Variants in TNFRSF19 observed in about 807,000 individuals in gnomAD.
TNFRSF19 encodes tumor necrosis factor receptor superfamily member 19.
A neutral mutation model predicts 46.4 loss-of-function variants in TNFRSF19; 27 were observed. The ratio of observed to expected loss-of-function variants is 0.58; its 90% CI spans 0.43 to 0.80. TNFRSF19 has a LOEUF of 0.80. TNFRSF19 is among the 30% of genes least tolerant of loss of function. TNFRSF19 has a pLI of 0.00. For synonymous variants in TNFRSF19, 204 were observed against 205.0 expected, an observed-to-expected ratio of 1.00 and a Z score of 0.04; for missense variants, 511 against 530.8, an observed-to-expected ratio of 0.96 and a Z score of 0.37.
At chr13:23,670,590 T>C (rs1038496384) in intron 9 of TNFRSF19, among the ~76,000 whole-genome samples, 13 of 152,152 alleles carry the variant, frequency 8.5e-5, no homozygotes, top group African/African-American at 2.9e-4. Context: ...GTTATGATAA[T>C]AAATAAGAAA....
intron 3 of TNFRSF19, among the ~76,000 whole-genome samples, chr13:23,597,384 A>G (rs1197518333): frequency 2.0e-5 from 3 of 152,172 alleles, no homozygotes; most frequent in Non-Finnish European, 2.9e-5. Context: ...AAAGAATCAA[A>G]TGGAAACAAT....
In TNFRSF19 at chr13:23,575,593, A is replaced by C. The variant is rs577265088; in HGVS notation, c.-35+4745A>C. Among the ~76,000 whole-genome samples, 4 of 152,224 alleles carry C rather than the reference A, an allele frequency of 2.6e-5. No individual in the cohort carries two copies. In the East Asian group the frequency reaches 7.7e-4, roughly 29 times the overall value. On this transcript the variant is annotated intron_variant, in intron 1 of 9. Transcript: ENST00000248484. The stretch of plus-strand genomic sequence containing the variant: ...GGTTCCTCCTCCACTTATTTTCTTA[A>C]CTGTATTTGGAAAACTTTATTACTC...
chr13:23,613,873 C>G (rs746324905), intron 3 of TNFRSF19, among the ~76,000 whole-genome samples: 1 of 152,208 alleles, frequency 6.6e-6, no homozygotes, highest in Non-Finnish European at 1.5e-5. Context: ...CCGCAAAGAC[C>G]CAGCACATGT....
chr13:23,652,439 A>G (rs1883706770), intron 5 of TNFRSF19, among the ~76,000 whole-genome samples: 1 of 152,208 alleles, frequency 6.6e-6, no homozygotes, highest in South Asian at 2.1e-4. Flanking sequence ...TTGTTAACTA[A>G]GATTACATTT....
intron 7 of TNFRSF19, among the ~76,000 whole-genome samples, chr13:23,666,126 T>C (rs201062736): frequency 2.0e-5 from 3 of 152,360 alleles, no homozygotes; most frequent in East Asian, 3.9e-4. Context: ...GGCCTATGCC[T>C]GGTCAGGGTA....
At chr13:23,647,569 AT>A (rs112700730) in intron 5 of TNFRSF19, among the ~76,000 whole-genome samples, 2,487 of 151,052 alleles carry the variant, frequency 0.016, 57 homozygotes, top group African/African-American at 0.057. Context: ...GCCCAGCTAC[AT>A]TTTTTTTTAA....
chr13:23,599,303 G>A (rs1420709025), intron 3 of TNFRSF19, among the ~76,000 whole-genome samples: 1 of 152,164 alleles, frequency 6.6e-6, no homozygotes, highest in African/African-American at 2.4e-5. Flanking sequence ...TGCCCAAGAG[G>A]AAAATAGACT....
intron 3 of TNFRSF19, among the ~76,000 whole-genome samples, chr13:23,610,894 C>A (rs986788055): frequency 3.3e-5 from 5 of 152,022 alleles, no homozygotes; most frequent in African/African-American, 9.7e-5. Context: ...CTCAAGGATT[C>A]GGGGAAGTAC....
chr13:23,587,527 G>GAATA (rs1878930441), intron 1 of TNFRSF19, among the ~76,000 whole-genome samples: 1 of 151,996 alleles, frequency 6.6e-6, no homozygotes. Context: ...AATGTTTGTT[G>GAATA]AATAAATAAA....
intron 3 of TNFRSF19, among the ~76,000 whole-genome samples, chr13:23,608,877 A>G (rs1880696540): frequency 6.6e-6 from 1 of 152,194 alleles, no homozygotes. Flanking sequence ...CTTGCTGGTC[A>G]GCCTTCTTCC....
At chr13:23,665,041 C>T (rs1384225173) in intron 7 of TNFRSF19, among the ~76,000 whole-genome samples, 1 of 152,124 alleles carries the variant, frequency 6.6e-6, no homozygotes, top group African/African-American at 2.4e-5. Context: ...TTATTACTAT[C>T]TCCTATTTTG....
intron 1 of TNFRSF19, among the ~76,000 whole-genome samples, chr13:23,584,234 T>C (rs990482861): frequency 1.4e-4 from 21 of 152,150 alleles, no homozygotes; most frequent in Non-Finnish European, 3.1e-4. Flanking sequence ...CCTTCCACCC[T>C]TTTCCCCCAA....
rs182881945 is a variant in TNFRSF19, at chr13:23,662,057, A to G, written c.736+1567A>G. 6.8e-3 allele frequency among the ~76,000 whole-genome samples: 1,038 copies of G among 152,134 alleles called. 12 individuals are homozygous for G. Among genetic ancestry groups the G allele is most frequent in the African/African-American group, 0.024 (985 of 41,496 alleles). ...AAGTTTAATTAGATCTCATTTGTCA[A>G]TTTTTGCTTTTGTTGTGATTGCTTT... is the stretch of plus-strand genomic sequence containing the variant. On this transcript the variant is annotated intron_variant, in intron 7 of 9. Transcript: ENST00000248484.
At chr13:23,614,769 A>ATATATATATATATATATATATAT (rs59907466) in intron 3 of TNFRSF19, among the ~76,000 whole-genome samples, 28 of 147,166 alleles carry the variant, frequency 1.9e-4, no homozygotes, top group African/African-American at 5.3e-4. Flanking sequence ...ATATATATAT[A>ATATATATATATATATATATATAT]GTACCTGGCA....
At chr13:23,658,052 T>C (rs1487847865) in intron 5 of TNFRSF19, among the ~76,000 whole-genome samples, 1 of 152,152 alleles carries the variant, frequency 6.6e-6, no homozygotes, top group Non-Finnish European at 1.5e-5. Flanking sequence ...CCCCTCTGTG[T>C]AGATTCATGC....
rs9805166 is a variant in TNFRSF19, at chr13:23,588,954, G to A, written c.-34-1196G>A. 5.8e-3 allele frequency among the ~76,000 whole-genome samples: 882 copies of A among 152,282 alleles called. 12 individuals carry two copies. The highest frequency in any genetic ancestry group is 0.02 in the African/African-American group (812 of 41,570). On this transcript the variant is annotated intron_variant, in intron 1 of 9. Transcript: ENST00000248484. ...GGTTCATCTGGGTTCAGCCACTTCC[G>A]GGGCACCCGTCAGCTCACCCCTGAT...
intron 9 of TNFRSF19, 113 bp downstream of exon 9, chr13:23,669,210 A>C (rs2138418980): frequency 6.9e-7 from 1 of 1,446,858 alleles, no homozygotes; most frequent in South Asian, 1.5e-5. Context: ...TTGCATCTTT[A>C]ATAATTTCTT....
At chr13:23,577,753 G>C (rs1201818597) in intron 1 of TNFRSF19, among the ~76,000 whole-genome samples, 1 of 152,234 alleles carries the variant, frequency 6.6e-6, no homozygotes, top group Non-Finnish European at 1.5e-5. Flanking sequence ...TATAAAGCCT[G>C]CTCCAGAGGC....
chr13:23,669,907 A>G (rs1951729193), intron 9 of TNFRSF19, among the ~76,000 whole-genome samples: 1 of 152,184 alleles, frequency 6.6e-6, no homozygotes, highest in African/African-American at 2.4e-5. Context: ...CCTTGAGTGT[A>G]AAAGGGCAGA....
Sources: gnomAD v4.1 joint callset for allele counts (sites outside exome capture counted in the v4.1 genomes callset) on GRCh38, gnomAD v4.1.1 for gene constraint, MANE v1.5 for transcripts, NCBI Gene and HGNC (gene_info 2026-07-23, HGNC 2026-07-21) for gene names.